The following PCDHGA4 variants were observed in gnomAD, a reference collection of about 807,000 sequenced individuals.
PCDHGA4 encodes the protein protocadherin gamma-A4.
A neutral mutation model predicts 54.6 loss-of-function variants in PCDHGA4; 38 were observed. That is an observed-to-expected ratio of 0.70 (90% CI 0.54 to 0.91). The LOEUF (loss-of-function observed/expected upper bound fraction) is 0.91, where lower values mean the gene tolerates loss of function less well. PCDHGA4 is among the 40% of genes least tolerant of loss of function. The pLI, the probability that PCDHGA4 is intolerant of heterozygous loss-of-function variation, is 0.00. For synonymous variants in PCDHGA4, 511 were observed against 512.9 expected, an observed-to-expected ratio of 1.00 and a Z score of 0.05; for missense variants, 1,298 against 1,220.9, an observed-to-expected ratio of 1.06 and a Z score of -0.94.
intron 3 of PCDHGA4, among the ~76,000 whole-genome samples, chr5:141,509,776 C>T (rs898626809): frequency 7.2e-5 from 11 of 152,140 alleles, no homozygotes; most frequent in African/African-American, 9.7e-5. Context: ...GTCTAGTCCC[C>T]GAGATCATCA....
intron 1 of PCDHGA4, chr5:141,371,406 T>C: frequency 6.2e-7 from 1 of 1,613,960 alleles, no homozygotes; most frequent in Non-Finnish European, 8.5e-7. Flanking sequence ...GATAGATATT[T>C]CAGATGAAAA....
intron 1 of PCDHGA4, chr5:141,365,800 C>T: frequency 2.5e-6 from 4 of 1,613,914 alleles, no homozygotes; most frequent in South Asian, 2.2e-5. Flanking sequence ...TCACCTACTC[C>T]CTGGCTGAAG....
chr5:141,359,760 G>C (rs1305895220), intron 1 of PCDHGA4, among the ~76,000 whole-genome samples: 2 of 152,148 alleles, frequency 1.3e-5, no homozygotes, highest in African/African-American at 4.8e-5. Flanking sequence ...ATCTAAAGCA[G>C]AGATGAAAGG....
intron 1 of PCDHGA4, among the ~76,000 whole-genome samples, chr5:141,456,306 G>A (rs937409031): frequency 4.6e-5 from 7 of 152,158 alleles, no homozygotes; most frequent in Admixed American, 2.6e-4. Context: ...GAGAACAGCA[G>A]CTAGGGCTCC....
intron 1 of PCDHGA4, among the ~76,000 whole-genome samples, chr5:141,420,710 G>A (rs2096519301): frequency 6.6e-6 from 1 of 152,186 alleles, no homozygotes; most frequent in South Asian, 2.1e-4. Flanking sequence ...TTCCAGAAAT[G>A]TCGTTCCTTT....
chr5:141,478,700 C>T (rs1171617240), intron 1 of PCDHGA4: 2 of 1,549,172 alleles, frequency 1.3e-6, no homozygotes, highest in South Asian at 1.2e-5. Flanking sequence ...AAAGTTAGTG[C>T]CTTTGTGAGA....
At chr5:141,464,134 G>A (rs1270558696) in intron 1 of PCDHGA4, among the ~76,000 whole-genome samples, 1 of 151,944 alleles carries the variant, frequency 6.6e-6, no homozygotes, top group Admixed American at 6.6e-5. Context: ...GTGTGGTGGT[G>A]GGCGCCTGTA....
chr5:141,491,954 C>CA lies in PCDHGA4; in HGVS notation c.2515-2847dup. 1 of 1,032,920 alleles carries CA rather than the reference C, an allele frequency of 9.7e-7. No homozygotes were observed. Among genetic ancestry groups the CA allele is most frequent in the Non-Finnish European group, 1.3e-6 (1 of 747,262 alleles). 64.0% of individuals were successfully genotyped at this position (1,032,920 alleles called of 1,614,324 possible). A position where few individuals can be genotyped will look rare whatever the true frequency, so the allele number is the denominator to read the frequency against. ...TGGGACCGACCCCCACCCCTACACTCAAAAAAGGCCGGGGCCTCCTTCGAG... is the reference window on the plus strand; with the variant it reads ...TGGGACCGACCCCCACCCCTACACTCAAAAAAAGGCCGGGGCCTCCTTCGAG... On this transcript the variant is annotated intron_variant, in intron 1 of 3. Coordinates refer to ENST00000571252, the MANE Select transcript of PCDHGA4 (RefSeq NM_018917.4). This position sits in a 1 kb window ranked among gnomAD's most constrained non-coding sequence, Gnocchi z 6.9.
intron 1 of PCDHGA4, chr5:141,374,038 T>C (rs1253900067): frequency 8.3e-6 from 12 of 1,449,244 alleles, no homozygotes; most frequent in South Asian, 1.6e-5. Context: ...GATGCAGATC[T>C]GTTCTTCCTC....
intron 1 of PCDHGA4, chr5:141,383,132 A>G: frequency 1.2e-6 from 2 of 1,614,110 alleles, no homozygotes; most frequent in Non-Finnish European, 1.7e-6. Context: ...TTCGCCCTGA[A>G]CCAGCGCAGC....
chr5:141,428,492 A>C (rs2097142759), intron 1 of PCDHGA4: 1 of 307,660 alleles, frequency 3.3e-6, no homozygotes. Flanking sequence ...TGCAATCTGT[A>C]TGTTCCCTCG....
At chr5:141,480,198 G>A (rs1280951298) in intron 1 of PCDHGA4, among the ~76,000 whole-genome samples, 2 of 150,780 alleles carry the variant, frequency 1.3e-5, no homozygotes, top group African/African-American at 4.9e-5. Flanking sequence ...GAGGCCAGCA[G>A]TTCAAGACCA....
intron 1 of PCDHGA4, chr5:141,398,054 A>G (rs372627681): frequency 9.0e-5 from 136 of 1,518,912 alleles, no homozygotes; most frequent in Non-Finnish European, 1.0e-4. Context: ...CGGAGATCCA[A>G]AAATCTACAA....
chr5:141,419,769 CGGT>C, intron 1 of PCDHGA4: 1 of 1,614,006 alleles, frequency 6.2e-7, no homozygotes, highest in Non-Finnish European at 8.5e-7. Context: ...GACAAGGACT[CGGT>C]CCGCCAGCGC....
At chr5:141,507,797 C>T (rs933921827) in intron 3 of PCDHGA4, among the ~76,000 whole-genome samples, 3 of 152,240 alleles carry the variant, frequency 2.0e-5, no homozygotes, top group Non-Finnish European at 2.9e-5. Flanking sequence ...TCTAAGCCTG[C>T]GCCCTGGGGA....
At chr5:141,404,097 T>C in intron 1 of PCDHGA4, 1 of 1,613,584 alleles carries the variant, frequency 6.2e-7, no homozygotes, top group Non-Finnish European at 8.5e-7. Flanking sequence ...AATGGTCAAG[T>C]TGTCTGTTCT....
At chr5:141,478,832 G>A in intron 1 of PCDHGA4, 1 of 1,435,464 alleles carries the variant, frequency 7.0e-7, no homozygotes, top group South Asian at 1.5e-5. Context: ...TCTTGCTAAG[G>A]GATGGTTAAG....
chr5:141,384,766 A>G, intron 1 of PCDHGA4: 2 of 1,613,916 alleles, frequency 1.2e-6, no homozygotes, highest in Non-Finnish European at 1.7e-6. Flanking sequence ...TGGGCTGTAC[A>G]CGGGCGAGGT....
intron 1 of PCDHGA4, chr5:141,417,913 T>A (rs749352432): frequency 1.2e-6 from 2 of 1,601,944 alleles, no homozygotes; most frequent in African/African-American, 1.3e-5. Flanking sequence ...AGGTACTATT[T>A]CCTTTGCTGC....
Sources: allele counts gnomAD v4.1 joint callset (sites outside exome capture counted in the v4.1 genomes callset), GRCh38; gene constraint gnomAD v4.1.1; non-coding constraint Gnocchi (gnomAD v3.1); transcripts MANE v1.5; gene names NCBI Gene and HGNC (gene_info 2026-07-23, HGNC 2026-07-21).